Variants in ATP2B2 observed in about 807,000 individuals in gnomAD.
ATP2B2 encodes the protein ATPase plasma membrane Ca2+ transporting 2, also known as plasma membrane calcium-transporting ATPase 2.
A neutral mutation model predicts 120.0 loss-of-function variants in ATP2B2; 15 were observed. The ratio of observed to expected loss-of-function variants is 0.12; its 90% confidence interval spans 0.08 to 0.19. The LOEUF (loss-of-function observed/expected upper bound fraction) is 0.19. Ranked by LOEUF, ATP2B2 falls within the 10% of genes least tolerant of loss-of-function variation. The probability of loss-of-function intolerance (pLI) is 1.00; values close to 1 mark genes in which losing one functional copy is unlikely to be tolerated. For synonymous variants in ATP2B2, 694 were observed against 700.3 expected, an observed-to-expected ratio of 0.99 and a Z score of 0.14; for missense variants, 1,045 against 1,719.8, an observed-to-expected ratio of 0.61 and a Z score of 6.94.
intron 1 of ATP2B2, among the ~76,000 whole-genome samples, chr3:10,488,728 A>T (rs565771460): frequency 3.9e-5 from 6 of 151,938 alleles, no homozygotes; most frequent in African/African-American, 1.4e-4. Flanking sequence ...CCTGAATGTG[A>T]CCCTCTTTCT....
chr3:10,326,147 A>G lies in ATP2B2; in HGVS notation c.*2667T>C, dbSNP rs2059853996. On this transcript the variant is annotated 3_prime_UTR_variant, in exon 23 of 23. Coordinates refer to ENST00000360273, the MANE Select transcript of ATP2B2 (RefSeq NM_001001331.4). ...CATAAAAACAGATGAATGGTCATAA[A>G]TTATTTACCCCCTAATGGAGTGAAC... 6.6e-6 allele frequency: 1 copy of G among 152,646 alleles called. No homozygotes were observed. Among genetic ancestry groups the G allele is most frequent in the Non-Finnish European group, 1.5e-5 (1 of 68,034 alleles). 9.5% of individuals were successfully genotyped at this position (152,646 alleles called of 1,614,324 possible).
intron 12 of ATP2B2, among the ~76,000 whole-genome samples, chr3:10,365,807 T>TTTTG: frequency 7.9e-5 from 1 of 12,698 alleles, no homozygotes; most frequent in Non-Finnish European, 2.2e-4. Flanking sequence ...AGTGTATGTG[T>TTTTG]TGTATGTGCT....
chr3:10,539,919 G>C lies in ATP2B2; in HGVS notation c.-414-5786C>G, dbSNP rs578081651. 2.0e-5 allele frequency among the ~76,000 whole-genome samples: 3 copies of C among 152,308 alleles called. No homozygotes were observed. The South Asian group carries it at 6.2e-4, about 32-fold the overall frequency. ...TGCACAGCAAAAGAAACTACCATCAGAGTGAACAGGCAACCTACAGAATGG... is the reference window on the plus strand; with the variant it reads ...TGCACAGCAAAAGAAACTACCATCACAGTGAACAGGCAACCTACAGAATGG... On this transcript the variant is annotated intron_variant, in intron 2 of 21. Transcript: ENST00000646379.
At chr3:10,607,548 C>T (rs2069120160) in intron 2 of ATP2B2, among the ~76,000 whole-genome samples, 1 of 152,220 alleles carries the variant, frequency 6.6e-6, no homozygotes, top group Non-Finnish European at 1.5e-5. Flanking sequence ...GGACACAGAA[C>T]CTTTCTAAAT....
intron 18 of ATP2B2, 71 bp downstream of exon 18, chr3:10,345,313 T>C (rs867734721): frequency 1.3e-6 from 2 of 1,562,154 alleles, no homozygotes. Flanking sequence ...TGGAGTACCC[T>C]AAGGCCCCCG....
At chr3:10,547,918 C>T (rs2067586874) in intron 2 of ATP2B2, among the ~76,000 whole-genome samples, 1 of 152,216 alleles carries the variant, frequency 6.6e-6, no homozygotes. Context: ...TTCCCAACAC[C>T]CTCCACATGT....
intron 5 of ATP2B2, among the ~76,000 whole-genome samples, chr3:10,397,263 G>C (rs1179005086): frequency 6.6e-6 from 1 of 152,218 alleles, no homozygotes; most frequent in Non-Finnish European, 1.5e-5. Context: ...GACCTGCGTG[G>C]GCAAGAGGAT....
Position 10,326,915 on chromosome 3 carries a change from G to A in ATP2B2, c.*1899C>T, listed in dbSNP as rs1216257962. The A allele has an allele frequency of 2.5e-6, 1 of 398,766 alleles. No individual in the cohort carries two copies. The highest frequency in any genetic ancestry group is 4.4e-6 in the Non-Finnish European group (1 of 226,030). 24.7% of individuals were successfully genotyped at this position (398,766 alleles called of 1,614,324 possible). On this transcript the variant is annotated 3_prime_UTR_variant, in exon 23 of 23. Transcript: ENST00000360273. ...GTTCTCTGGGCCTGGAGAAGGGAAG[G>A]GGCTGGGCTGACACAGCCATCGTGA...
intron 1 of ATP2B2, among the ~76,000 whole-genome samples, chr3:10,497,753 G>A (rs1311716518): frequency 2.6e-5 from 4 of 152,128 alleles, no homozygotes; most frequent in Non-Finnish European, 2.9e-5. Flanking sequence ...TGTTTTGCAC[G>A]GCCATTTATT....
chr3:10,407,715 T>C lies in ATP2B2; in HGVS notation c.397+2903A>G, dbSNP rs539740614. On this transcript the variant is annotated intron_variant, in intron 3 of 22. Transcript: ENST00000360273. ...TCCACCCCTGCGTTGCTGTAGAGGA[T>C]ACTAGAATTGTGGGGTGTTGAACGT... Among the ~76,000 whole-genome samples the C allele has an allele frequency of 2.0e-5, 3 of 152,344 alleles. No individual in the cohort carries two copies. In the South Asian group the frequency reaches 6.2e-4, roughly 32 times the overall value.
rs543033972 is a variant in ATP2B2, at chr3:10,567,456, G to C, written c.-414-33323C>G. Reference sequence around the variant, plus strand: ...GATGCTGATAGGAATGCCATATAGGGGGGTGTGGGCTCAGGAGCCTGCCAG... The same window carrying C: ...GATGCTGATAGGAATGCCATATAGGCGGGTGTGGGCTCAGGAGCCTGCCAG... On this transcript the variant is annotated intron_variant, in intron 2 of 21. Coordinates refer to the ATP2B2 transcript ENST00000646379. 5.3e-5 allele frequency among the ~76,000 whole-genome samples: 8 copies of C among 152,298 alleles called. No individual in the cohort carries two copies. In the East Asian group the frequency reaches 1.2e-3, roughly 22 times the overall value.
intron 5 of ATP2B2, among the ~76,000 whole-genome samples, chr3:10,392,951 A>G (rs1480861703): frequency 2.0e-5 from 3 of 152,208 alleles, no homozygotes; most frequent in Non-Finnish European, 2.9e-5. Flanking sequence ...GGGTGTGGAG[A>G]GGCCGGCAGA....
At chr3:10,468,570 C>T (rs561893217) in intron 1 of ATP2B2, among the ~76,000 whole-genome samples, 1 of 152,352 alleles carries the variant, frequency 6.6e-6, no homozygotes, top group East Asian at 1.9e-4. Flanking sequence ...TGAGGGAGTT[C>T]ATCATAGTGC....
At chr3:10,413,350 G>T (rs988993729) in intron 2 of ATP2B2, among the ~76,000 whole-genome samples, 1 of 152,250 alleles carries the variant, frequency 6.6e-6, no homozygotes, top group Non-Finnish European at 1.5e-5. Context: ...CCCACTGGGG[G>T]AGCCCAGGGA....
chr3:10,424,705 A>G lies in ATP2B2; in HGVS notation c.200-13890T>C, dbSNP rs1440555715. Reference sequence around the variant, plus strand: ...ACATCTATTCCAAAGAATACTACACAACAGATTTAAAAAATGAGATCCATT... The same window carrying G: ...ACATCTATTCCAAAGAATACTACACGACAGATTTAAAAAATGAGATCCATT... On this transcript the variant is annotated intron_variant, in intron 2 of 22. Transcript: ENST00000360273. Among the ~76,000 whole-genome samples, 3 of 152,264 alleles carry G rather than the reference A, an allele frequency of 2.0e-5. No homozygotes were observed. The East Asian group carries it at 5.8e-4, about 29-fold the overall frequency.
intron 3 of ATP2B2, among the ~76,000 whole-genome samples, chr3:10,531,906 T>C (rs1188562849): frequency 6.6e-6 from 1 of 152,098 alleles, no homozygotes; most frequent in Non-Finnish European, 1.5e-5. Flanking sequence ...TAGAATCACC[T>C]TGGACAGACC....
intron 1 of ATP2B2, among the ~76,000 whole-genome samples, chr3:10,463,295 G>A (rs2064578032): frequency 6.6e-6 from 1 of 152,138 alleles, no homozygotes; most frequent in Non-Finnish European, 1.5e-5. Flanking sequence ...CACAGAACAG[G>A]CCTCCACCAG....
chr3:10,332,074 A>G (rs1199964813), intron 22 of ATP2B2: 1 of 1,539,378 alleles, frequency 6.5e-7, no homozygotes, highest in South Asian at 1.2e-5. Flanking sequence ...CAGACAGTGG[A>G]GAGGTCTAGG....
At chr3:10,489,194 G>C (rs1457374327) in intron 1 of ATP2B2, among the ~76,000 whole-genome samples, 2 of 152,206 alleles carry the variant, frequency 1.3e-5, no homozygotes, top group Non-Finnish European at 2.9e-5. Flanking sequence ...TCCCTGACCT[G>C]ATTCAAAACA....
Sources: gnomAD v4.1 joint callset for allele counts (sites outside exome capture counted in the v4.1 genomes callset) on GRCh38, gnomAD v4.1.1 for gene constraint, MANE v1.5 for transcripts, NCBI Gene and HGNC (gene_info 2026-07-23, HGNC 2026-07-21) for gene names.